FHIT: variants seen among roughly 807,000 people sequenced by gnomAD.
The protein encoded by FHIT is fragile histidine triad diadenosine triphosphatase.
Under a neutral mutation model 17.9 loss-of-function variants are expected in FHIT, and 19 were observed. That is an observed-to-expected ratio of 1.06 (90% confidence interval 0.74 to 1.56). The LOEUF (loss-of-function observed/expected upper bound fraction) is 1.56. Ranked by LOEUF, FHIT falls within the 40% of genes most tolerant of loss-of-function variation. The pLI, the probability that FHIT is intolerant of heterozygous loss-of-function variation, is 0.00. For synonymous variants in FHIT, 81 were observed against 69.7 expected, an observed-to-expected ratio of 1.16 and a Z score of -0.81; for missense variants, 248 against 189.2, an observed-to-expected ratio of 1.31 and a Z score of -1.82.
intron 3 of FHIT, among the ~76,000 whole-genome samples, chr3:60,860,980 G>T (rs1364455429): frequency 1.0e-5 from 1 of 99,314 alleles, no homozygotes; most frequent in Non-Finnish European, 2.1e-5. Context: ...ATGTATATAT[G>T]ATACATATAT....
chr3:60,660,303 G>A (rs764914263), intron 4 of FHIT, among the ~76,000 whole-genome samples: 7 of 152,154 alleles, frequency 4.6e-5, no homozygotes, highest in African/African-American at 1.4e-4. Context: ...TCAGAGAACA[G>A]ATTCCTGATT....
At chr3:60,043,960 A>C (rs2106845859) in intron 5 of FHIT, among the ~76,000 whole-genome samples, 1 of 152,350 alleles carries the variant, frequency 6.6e-6, no homozygotes, top group Non-Finnish European at 1.5e-5. Context: ...CAACGTGGTG[A>C]GTGATATTTG....
At chr3:60,650,896 C>T (rs781991234) in intron 4 of FHIT, among the ~76,000 whole-genome samples, 2 of 152,024 alleles carry the variant, frequency 1.3e-5, no homozygotes, top group Non-Finnish European at 2.9e-5. Context: ...CACAATTCAG[C>T]CAACAAAAAA....
chr3:60,534,592 G>A (rs1414346233), intron 5 of FHIT, among the ~76,000 whole-genome samples: 1 of 152,022 alleles, frequency 6.6e-6, no homozygotes, highest in African/African-American at 2.4e-5. Flanking sequence ...TTTAAATACT[G>A]CAGCTGTTAA....
At chr3:60,205,950 T>C (rs568514465) in intron 5 of FHIT, among the ~76,000 whole-genome samples, 1 of 149,728 alleles carries the variant, frequency 6.7e-6, no homozygotes, top group Non-Finnish European at 1.5e-5. Context: ...CTACTAAAAA[T>C]ACAAAAATAA....
chr3:60,598,502 A>G (rs1423438948), intron 4 of FHIT, among the ~76,000 whole-genome samples: 1 of 152,192 alleles, frequency 6.6e-6, no homozygotes, highest in Non-Finnish European at 1.5e-5. Flanking sequence ...CTGGGCAACA[A>G]AAATCACTTA....
intron 7 of FHIT, among the ~76,000 whole-genome samples, chr3:59,974,762 C>T (rs1050697395): frequency 4.6e-5 from 7 of 152,012 alleles, no homozygotes; most frequent in African/African-American, 1.7e-4. Flanking sequence ...GTGTGAATTC[C>T]AGTTTCATGT....
chr3:61,216,585 G>T (rs2106800185), intron 1 of FHIT, among the ~76,000 whole-genome samples: 1 of 152,302 alleles, frequency 6.6e-6, no homozygotes, highest in South Asian at 2.1e-4. Flanking sequence ...AGTCAGTGTG[G>T]CGATTCCTCA....
chr3:60,766,678 C>A (rs1316087827), intron 4 of FHIT, among the ~76,000 whole-genome samples: 1 of 152,210 alleles, frequency 6.6e-6, no homozygotes, highest in Admixed American at 6.5e-5. Context: ...AAGGCCACAT[C>A]TGACTCCAGA....
At chr3:60,673,834 T>C (rs1620446) in intron 4 of FHIT, among the ~76,000 whole-genome samples, 130,983 of 152,110 alleles carry the variant, frequency 0.86, 56,627 homozygotes, top group Non-Finnish European at 0.91. Context: ...CAGCAGCTTT[T>C]TTCTTTACTT....
At chr3:60,353,749 A>T (rs1217904706) in intron 5 of FHIT, among the ~76,000 whole-genome samples, 1 of 152,184 alleles carries the variant, frequency 6.6e-6, no homozygotes, top group Non-Finnish European at 1.5e-5. Context: ...AGTGGCTGAA[A>T]AACAAATCTG....
At chr3:60,202,534 T>C (rs1418528571) in intron 5 of FHIT, among the ~76,000 whole-genome samples, 1 of 152,180 alleles carries the variant, frequency 6.6e-6, no homozygotes, top group Admixed American at 6.5e-5. Flanking sequence ...ACATTATTGG[T>C]AGAGTAGTTA....
chr3:60,889,868 T>TA (rs1262000540), intron 3 of FHIT, among the ~76,000 whole-genome samples: 2 of 152,144 alleles, frequency 1.3e-5, no homozygotes, highest in African/African-American at 2.4e-5. Flanking sequence ...CAGAATGAGA[T>TA]ATGCAATCCT....
intron 4 of FHIT, among the ~76,000 whole-genome samples, chr3:60,611,408 G>A (rs1553673554): frequency 6.6e-6 from 1 of 152,130 alleles, no homozygotes; most frequent in Non-Finnish European, 1.5e-5. Flanking sequence ...TAAGCATGTG[G>A]GAGTTATTTA....
chr3:60,366,038 G>T (rs1700093649), intron 5 of FHIT, among the ~76,000 whole-genome samples: 1 of 152,132 alleles, frequency 6.6e-6, no homozygotes, highest in Admixed American at 6.5e-5. Flanking sequence ...TAATAATATG[G>T]CAAGTACATA....
chr3:60,318,862 T>A (rs962613292), intron 5 of FHIT, among the ~76,000 whole-genome samples: 3 of 152,220 alleles, frequency 2.0e-5, no homozygotes, highest in Non-Finnish European at 4.4e-5. Flanking sequence ...AGGCTGATTC[T>A]TTCTAGAGAT....
intron 5 of FHIT, among the ~76,000 whole-genome samples, chr3:60,385,591 TG>T (rs1190180738): frequency 6.6e-6 from 1 of 152,208 alleles, no homozygotes; most frequent in African/African-American, 2.4e-5. Context: ...ATACAATTTT[TG>T]TAACTGAAAC....
At chr3:60,783,821 G>C (rs1185467730) in intron 4 of FHIT, among the ~76,000 whole-genome samples, 1 of 152,152 alleles carries the variant, frequency 6.6e-6, no homozygotes, top group Non-Finnish European at 1.5e-5. Context: ...ACAGGCTCTG[G>C]GGAGAGCAAA....
At chr3:60,353,900 G>C (rs1310647814) in intron 5 of FHIT, among the ~76,000 whole-genome samples, 1 of 152,048 alleles carries the variant, frequency 6.6e-6, no homozygotes, top group Admixed American at 6.6e-5. Context: ...AGCTTTTTTA[G>C]AGAGAAATTT....
Sources: gnomAD v4.1 joint callset for allele counts (sites outside exome capture counted in the v4.1 genomes callset) on GRCh38, gnomAD v4.1.1 for gene constraint, MANE v1.5 for transcripts, NCBI Gene and HGNC (gene_info 2026-07-23, HGNC 2026-07-21) for gene names.